Variants in WDPCP observed in about 807,000 individuals in gnomAD.
WDPCP encodes the protein WD repeat containing planar cell polarity effector.
A neutral mutation model predicts 93.1 loss-of-function variants in WDPCP; 71 were observed. The ratio of observed to expected loss-of-function variants is 0.76; its 90% CI spans 0.63 to 0.93. The LOEUF (loss-of-function observed/expected upper bound fraction) is 0.93. Among genes scored for constraint, WDPCP ranks in the 40% least tolerant of loss-of-function variants. WDPCP has a pLI of 0.00. For synonymous variants in WDPCP, 315 were observed against 315.0 expected (o/e 1.00, Z 0.00); for missense variants, 844 against 887.4 (o/e 0.95, Z 0.62).
At chr2:63,162,539 G>A (rs539561965) in intron 15 of WDPCP, among the ~76,000 whole-genome samples, 56 of 152,238 alleles carry the variant, frequency 3.7e-4, no homozygotes, top group Non-Finnish European at 7.2e-4. Context: ...TTTCATAGGT[G>A]GGGATAAATG....
At chr2:63,494,171 G>A (rs1409925449) in intron 1 of WDPCP, among the ~76,000 whole-genome samples, 1 of 152,102 alleles carries the variant, frequency 6.6e-6, no homozygotes, top group Non-Finnish European at 1.5e-5. Flanking sequence ...CAGCACACAA[G>A]AGGGGCCCAA....
chr2:63,159,531 A>G (rs1672508570), intron 15 of WDPCP, among the ~76,000 whole-genome samples: 1 of 152,136 alleles, frequency 6.6e-6, no homozygotes, highest in African/African-American at 2.4e-5. Context: ...ATATCAAGTA[A>G]TTTTTGGTAT....
In WDPCP at chr2:63,143,217, T is replaced by A. The variant is rs528250734; in HGVS notation, c.2190+9697A>T. Among the ~76,000 whole-genome samples the A allele has an allele frequency of 7.9e-5, 12 of 152,304 alleles. No homozygotes were observed. The South Asian group carries it at 2.5e-3, about 32-fold the overall frequency. On this transcript the variant is annotated intron_variant, in intron 17 of 17. Transcript: ENST00000272321. Reference sequence around the variant, plus strand: ...ACTGCTGTTACTTTAAAATTTGTTTTGTCTGGTATAAGAATAGCTGCCCCT... The same window carrying A: ...ACTGCTGTTACTTTAAAATTTGTTTAGTCTGGTATAAGAATAGCTGCCCCT...
chr2:63,763,306 C>G (rs1420224794), intron 2 of WDPCP, among the ~76,000 whole-genome samples: 3 of 151,916 alleles, frequency 2.0e-5, no homozygotes, highest in Non-Finnish European at 4.4e-5. Flanking sequence ...GAGTTTGAGA[C>G]CAGCCTGGCC....
intron 2 of WDPCP, among the ~76,000 whole-genome samples, chr2:63,800,702 T>C (rs111505739): frequency 4.6e-5 from 7 of 152,342 alleles, no homozygotes; most frequent in African/African-American, 1.7e-4. Flanking sequence ...TAAGTGCTTC[T>C]TGGAAAACAG....
intron 3 of WDPCP, among the ~76,000 whole-genome samples, chr2:63,615,133 T>C (rs890264425): frequency 6.6e-6 from 1 of 152,088 alleles, no homozygotes; most frequent in African/African-American, 2.4e-5. Flanking sequence ...TCACTTACCT[T>C]TTAACAAAGA....
At chr2:63,360,607 C>T (rs749680690) in intron 12 of WDPCP, among the ~76,000 whole-genome samples, 10 of 152,210 alleles carry the variant, frequency 6.6e-5, no homozygotes, top group Non-Finnish European at 1.2e-4. Flanking sequence ...TACTTAGCGG[C>T]GTCTCAGTAG....
chr2:63,550,220 CACACACACACACACACACA>C (rs1421088112), intron 1 of WDPCP, among the ~76,000 whole-genome samples: 136 of 151,638 alleles, frequency 9.0e-4, no homozygotes, highest in Non-Finnish European at 1.2e-3. Context: ...CACACACACA[CACACACACACACACACACA>C]CCCTTCCTCT....
intron 12 of WDPCP, among the ~76,000 whole-genome samples, chr2:63,328,362 G>C (rs1687726101): frequency 6.6e-6 from 1 of 152,108 alleles, no homozygotes; most frequent in Admixed American, 6.5e-5. Context: ...TCTTGCAGCT[G>C]CTCACTCTTT....
intron 3 of WDPCP, among the ~76,000 whole-genome samples, chr2:63,636,153 T>C (rs950808369): frequency 6.6e-6 from 1 of 152,182 alleles, no homozygotes; most frequent in Non-Finnish European, 1.5e-5. Flanking sequence ...ATTTTAACTA[T>C]GGAGGTAAAA....
At chr2:63,748,526 A>G (rs1471974419) in intron 2 of WDPCP, among the ~76,000 whole-genome samples, 1 of 152,116 alleles carries the variant, frequency 6.6e-6, no homozygotes, top group Non-Finnish European at 1.5e-5. Context: ...CATGGTGAAC[A>G]ACATTACTAA....
In WDPCP at chr2:63,405,353, T is replaced by G. The variant is rs561733403; in HGVS notation, c.826-696A>C. ...TTAAAAAATTAAGACCTAGTATATA[T>G]AGTCGGTCCTTGAACAACATGAGTT... is the stretch of plus-strand genomic sequence containing the variant. On this transcript the variant is annotated intron_variant, in intron 9 of 17. Transcript: ENST00000272321. Among the ~76,000 whole-genome samples the G allele has an allele frequency of 4.6e-5, 7 of 152,328 alleles. 1 individual carries two copies. In the East Asian group the frequency reaches 1.2e-3, roughly 25 times the overall value.
At chr2:63,612,316 C>T (rs183913934) in intron 3 of WDPCP, among the ~76,000 whole-genome samples, 1 of 152,262 alleles carries the variant, frequency 6.6e-6, no homozygotes, top group East Asian at 1.9e-4. Context: ...AAATGGAAAG[C>T]ACATGGTAAG....
chr2:63,595,637 T>C (rs1490004897), intron 3 of WDPCP: 7 of 664,238 alleles, frequency 1.1e-5, no homozygotes, highest in Non-Finnish European at 1.9e-5. Context: ...TTTTTTTATT[T>C]TGAACTACCA....
rs146899193 is a variant in WDPCP, at chr2:63,671,528, C to T, written n.309-20690G>A. Among the ~76,000 whole-genome samples, 371 of 152,148 alleles carry T rather than the reference C, an allele frequency of 2.4e-3. 1 individual carries two copies. Among genetic ancestry groups the T allele is most frequent in the African/African-American group, 8.2e-3 (339 of 41,524 alleles). On this transcript the variant is annotated intron_variant and non_coding_transcript_variant, in intron 2 of 4. Transcript: ENST00000467687. ...CTGGCTCCCTCTTCATTTTCTTTCA[C>T]AAGTGGTCCCCCTAATATAACCTTT...
chr2:63,450,153 C>T (rs1384998531), intron 6 of WDPCP, among the ~76,000 whole-genome samples: 6 of 152,176 alleles, frequency 3.9e-5, no homozygotes, highest in Admixed American at 3.9e-4. Context: ...GAAACCAGGA[C>T]TCCTTCTTCC....
intron 3 of WDPCP, among the ~76,000 whole-genome samples, chr2:63,608,114 A>G (rs1009351302): frequency 6.6e-6 from 1 of 152,142 alleles, no homozygotes; most frequent in Non-Finnish European, 1.5e-5. Flanking sequence ...AAGGCTAGCT[A>G]CTAATATTAA....
chr2:63,766,987 A>T (rs554534410), intron 2 of WDPCP, among the ~76,000 whole-genome samples: 11 of 152,096 alleles, frequency 7.2e-5, no homozygotes, highest in African/African-American at 2.4e-4. Context: ...TCCTTTTTTA[A>T]TGCCACCTTC....
chr2:63,741,797 G>C (rs188218647), intron 2 of WDPCP, among the ~76,000 whole-genome samples: 5 of 152,110 alleles, frequency 3.3e-5, no homozygotes, highest in Admixed American at 2.6e-4. Context: ...GAAAATGACT[G>C]TTGCTAACTT....
Sources: allele counts gnomAD v4.1 joint callset (sites outside exome capture counted in the v4.1 genomes callset), GRCh38; gene constraint gnomAD v4.1.1; transcripts MANE v1.5; gene names NCBI Gene and HGNC (gene_info 2026-07-23, HGNC 2026-07-21).